Variants in AFG1L observed in about 807,000 individuals in gnomAD.
AFG1L encodes the protein AFG1-like ATPase.
Under a neutral mutation model 62.2 loss-of-function variants are expected in AFG1L, and 53 were observed. That is an observed-to-expected ratio of 0.85 (90% CI 0.68 to 1.07). The LOEUF (loss-of-function observed/expected upper bound fraction) is 1.07. AFG1L is among the 50% of genes least tolerant of loss of function. The pLI is 0.00. For missense variants in AFG1L, 555 were observed against 590.5 expected (o/e 0.94, Z 0.62); for synonymous variants, 228 against 210.3 (o/e 1.08, Z -0.73).
intron 10 of AFG1L, among the ~76,000 whole-genome samples, chr6:108,485,512 A>G (rs1198815245): frequency 6.7e-6 from 1 of 150,332 alleles, no homozygotes; most frequent in Non-Finnish European, 1.5e-5. Flanking sequence ...CTTCTACTCT[A>G]GGAAAGTATG....
intron 2 of AFG1L, among the ~76,000 whole-genome samples, chr6:108,325,294 A>G (rs75034125): frequency 0.052 from 7,896 of 151,952 alleles, 349 homozygotes; most frequent in Admixed American, 0.15. Context: ...TTTATATTCA[A>G]TCCTCATCTC....
intron 7 of AFG1L, among the ~76,000 whole-genome samples, chr6:108,441,552 T>G (rs1771546060): frequency 6.6e-6 from 1 of 152,056 alleles, no homozygotes; most frequent in African/African-American, 2.4e-5. Flanking sequence ...TAAATATCAC[T>G]GGAAATTAGG....
At chr6:108,406,945 C>G (rs1159646965) in intron 7 of AFG1L, among the ~76,000 whole-genome samples, 1 of 152,124 alleles carries the variant, frequency 6.6e-6, no homozygotes, top group South Asian at 2.1e-4. Context: ...TCCATTGACA[C>G]CTGAGCTGTG....
chr6:108,477,301 C>T lies in AFG1L; in HGVS notation c.1062+9C>T, dbSNP rs184150062. 496 of 1,539,194 alleles carry T rather than the reference C, an allele frequency of 3.2e-4. No individual in the cohort carries two copies. Among genetic ancestry groups the T allele is most frequent in the Non-Finnish European group, 4.1e-4 (461 of 1,123,690 alleles). On this transcript the variant is annotated intron_variant, in intron 10 of 12. Coordinates refer to ENST00000368977, the MANE Select transcript of AFG1L (RefSeq NM_145315.5). ...AAGAGCTGTGTGAGAGAGTAAGTAT[C>T]CAGGCACGTCCAGACTCACTGGCCT...
intron 10 of AFG1L, among the ~76,000 whole-genome samples, chr6:108,477,891 T>C (rs1309848446): frequency 1.3e-5 from 2 of 152,254 alleles, no homozygotes; most frequent in South Asian, 2.1e-4. Context: ...ATATGAATTC[T>C]GTCTTTTAAA....
At chr6:108,482,208 T>C (rs1340433324) in intron 10 of AFG1L, among the ~76,000 whole-genome samples, 1 of 150,118 alleles carries the variant, frequency 6.7e-6, no homozygotes, top group Non-Finnish European at 1.5e-5. Context: ...TGCTTGCTCT[T>C]ACAAAATCAT....
intron 7 of AFG1L, among the ~76,000 whole-genome samples, chr6:108,425,655 G>C (rs2114700004): frequency 6.6e-6 from 1 of 152,074 alleles, no homozygotes; most frequent in South Asian, 2.1e-4. Context: ...TATGTATGAA[G>C]ACATATATAC....
intron 6 of AFG1L, among the ~76,000 whole-genome samples, chr6:108,398,849 G>A (rs1316912890): frequency 2.6e-5 from 4 of 152,092 alleles, no homozygotes; most frequent in Admixed American, 1.3e-4. Context: ...TTTGTCTATA[G>A]CTTTGTAGTA....
At chr6:108,417,266 GCA>G (rs149498434) in intron 7 of AFG1L, among the ~76,000 whole-genome samples, 6,459 of 136,278 alleles carry the variant, frequency 0.047, 247 homozygotes, top group East Asian at 0.1. Flanking sequence ...ACACAGACAC[GCA>G]CACACACACA....
chr6:108,433,212 A>T (rs939188548), intron 7 of AFG1L, among the ~76,000 whole-genome samples: 1 of 152,286 alleles, frequency 6.6e-6, no homozygotes, highest in Admixed American at 6.5e-5. Context: ...CTGCTTTATT[A>T]TTTAATTGGT....
intron 8 of AFG1L, among the ~76,000 whole-genome samples, chr6:108,448,784 A>T: frequency 6.6e-6 from 1 of 152,162 alleles, no homozygotes; most frequent in East Asian, 1.9e-4. Context: ...CAACACTAAC[A>T]ATGTCCAGAG....
At chr6:108,353,250 G>C (rs1021204948) in intron 3 of AFG1L, among the ~76,000 whole-genome samples, 6 of 151,442 alleles carry the variant, frequency 4.0e-5, no homozygotes, top group Admixed American at 6.6e-5. Context: ...GAACTCCTGG[G>C]CTCAAGCAAT....
chr6:108,325,669 A>G (rs1582377081), intron 2 of AFG1L, among the ~76,000 whole-genome samples: 1 of 152,012 alleles, frequency 6.6e-6, no homozygotes, highest in African/African-American at 2.4e-5. Flanking sequence ...TGCTTTTAGT[A>G]GAGATGGGGT....
In AFG1L at chr6:108,402,035, C is replaced by A; in HGVS notation, c.788C>A (p.Pro263Gln). The part of the protein sequence containing the change: ...KNGLQRANFV[P>Q]FIAVLKEYCN... Reference sequence around the variant, plus strand: ...GGACTCCAAAGAGCTAACTTTGTACCATTCATAGCAGTCTTGAAGGTAAAA... The same window carrying A: ...GGACTCCAAAGAGCTAACTTTGTACAATTCATAGCAGTCTTGAAGGTAAAA... The change falls in exon 7 of 13, where the codon CCA becomes CAA. Residue 263 changes from proline to glutamine, a missense_variant. Coordinates refer to ENST00000368977, the MANE Select transcript of AFG1L (RefSeq NM_145315.5). 6.6e-7 allele frequency: 1 copy of A among 1,510,584 alleles called. No individual in the cohort carries two copies. The allele number at this position is 1,510,584 out of a possible 1,614,324, so 93.6% of individuals were successfully genotyped here.
intron 2 of AFG1L, among the ~76,000 whole-genome samples, chr6:108,328,613 G>C (rs1056196171): frequency 6.6e-6 from 1 of 151,670 alleles, no homozygotes; most frequent in Non-Finnish European, 1.5e-5. Context: ...ATGTTGTCCA[G>C]GCTGGTCTTG....
Position 108,347,029 on chromosome 6 carries a change from T to C in AFG1L, c.405T>C (p.Tyr135=). The C allele has an allele frequency of 6.2e-7, 1 of 1,613,340 alleles. No homozygotes were observed. The highest frequency in any genetic ancestry group is 8.5e-7 in the Non-Finnish European group (1 of 1,179,416). ...AACCTCCAAGGGGCCTGTATGTTTATGGAGATGTTGGTAAGTGTGTTAAAA... is the reference window on the plus strand; with the variant it reads ...AACCTCCAAGGGGCCTGTATGTTTACGGAGATGTTGGTAAGTGTGTTAAAA... The part of the protein sequence containing the change: ...RSKPPRGLYV[Y]GDVGTGKTMV... The change falls in exon 3 of 13, where the codon TAT becomes TAC. Residue 135 remains tyrosine, a synonymous_variant. Transcript: ENST00000368977.
At chr6:108,504,122 G>C (rs1774305703) in intron 10 of AFG1L, among the ~76,000 whole-genome samples, 1 of 152,208 alleles carries the variant, frequency 6.6e-6, no homozygotes, top group African/African-American at 2.4e-5. Context: ...CTTATAGTTT[G>C]TGTGTTCACT....
chr6:108,518,578 T>C (rs868252081), intron 11 of AFG1L, among the ~76,000 whole-genome samples: 11 of 151,820 alleles, frequency 7.2e-5, no homozygotes, highest in South Asian at 6.2e-4. Flanking sequence ...TGCAGCACAC[T>C]AACATGGCAC....
intron 7 of AFG1L, among the ~76,000 whole-genome samples, chr6:108,411,268 C>T (rs756793554): frequency 7.2e-5 from 11 of 152,324 alleles, no homozygotes; most frequent in African/African-American, 2.4e-4. Flanking sequence ...CCTGGAAGCT[C>T]GAACTGGGTG....
Sources: allele counts gnomAD v4.1 joint callset (sites outside exome capture counted in the v4.1 genomes callset), GRCh38; gene constraint gnomAD v4.1.1; transcripts MANE v1.5; gene names NCBI Gene and HGNC (gene_info 2026-07-23, HGNC 2026-07-21).